The following CERS3 variants were observed in gnomAD, a reference collection of about 807,000 sequenced individuals.
The protein encoded by CERS3 is ceramide synthase 3, also known as LAG1 homolog, ceramide synthase 3.
CERS3 carries 33 observed loss-of-function variants against 50.3 expected under a neutral mutation model. That is an observed-to-expected ratio of 0.66 (90% CI 0.50 to 0.88). CERS3 has a LOEUF of 0.88. Ranked by LOEUF, CERS3 falls within the 40% of genes least tolerant of loss-of-function variation. The pLI is 0.00. For missense variants in CERS3, 470 were observed against 460.3 expected, an observed-to-expected ratio of 1.02 and a Z score of -0.19; for synonymous variants, 176 against 155.2, an observed-to-expected ratio of 1.13 and a Z score of -0.99.
intron 2 of CERS3, among the ~76,000 whole-genome samples, chr15:100,509,315 A>G (rs948308816): frequency 4.6e-5 from 7 of 152,246 alleles, no homozygotes; most frequent in African/African-American, 1.4e-4. Context: ...AAAAAATATG[A>G]CAGTCTAACT....
intron 11 of CERS3, among the ~76,000 whole-genome samples, chr15:100,431,827 C>G (rs566866546): frequency 3.3e-5 from 5 of 152,296 alleles, no homozygotes; most frequent in East Asian, 3.9e-4. Context: ...CCAAGCCACT[C>G]TAGTTAGCTG....
chr15:100,533,034 C>T (rs115116825), upstream of CERS3, among the ~76,000 whole-genome samples: 5,876 of 152,266 alleles, frequency 0.039, 163 homozygotes, highest in South Asian at 0.11. Flanking sequence ...CGCTCCACTC[C>T]GCTTCCACAC....
intron 11 of CERS3, among the ~76,000 whole-genome samples, chr15:100,439,048 A>C (rs2033560459): frequency 6.6e-6 from 1 of 152,230 alleles, no homozygotes; most frequent in Non-Finnish European, 1.5e-5. Context: ...CTAGTAGCTC[A>C]TCACAAAATC....
intron 1 of CERS3, among the ~76,000 whole-genome samples, chr15:100,540,789 T>C (rs933681774): frequency 9.8e-5 from 15 of 152,308 alleles, no homozygotes; most frequent in African/African-American, 2.4e-4. Flanking sequence ...CACTGTTGGG[T>C]TGACAAGAGA....
chr15:100,436,352 C>A (rs1450236324), intron 11 of CERS3, among the ~76,000 whole-genome samples: 1 of 152,142 alleles, frequency 6.6e-6, no homozygotes. Flanking sequence ...AACCATCATT[C>A]TCAGCAAACT....
intron 11 of CERS3, among the ~76,000 whole-genome samples, chr15:100,449,225 G>A (rs2034061832): frequency 6.6e-6 from 1 of 152,216 alleles, no homozygotes; most frequent in Admixed American, 6.5e-5. Flanking sequence ...TATCACCACA[G>A]CTAGTACTCA....
intron 2 of CERS3, among the ~76,000 whole-genome samples, 178 bp from the exon 3 acceptor site, chr15:100,502,028 T>A (rs1017731376): frequency 1.3e-5 from 2 of 151,828 alleles, no homozygotes; most frequent in Admixed American, 6.6e-5. Flanking sequence ...GGGCGGATCA[T>A]GAGGTCAAGA....
At chr15:100,440,313 C>T (rs1189530861) in intron 11 of CERS3, among the ~76,000 whole-genome samples, 1 of 152,236 alleles carries the variant, frequency 6.6e-6, no homozygotes, top group Non-Finnish European at 1.5e-5. Flanking sequence ...TGCACATACA[C>T]ATCCAGATGG....
rs1055917456 is a variant in CERS3, at chr15:100,454,106, G to A, written c.999+1787C>T. On this transcript the variant is annotated intron_variant, in intron 11 of 11. Coordinates refer to ENST00000679737, the MANE Select transcript of CERS3 (RefSeq NM_001378789.1). Reference sequence around the variant, plus strand: ...ATTCAATCTCTACCAAGATAGCAATGTTGGCCAGGCATAGTGCCTCACACC... The same window carrying A: ...ATTCAATCTCTACCAAGATAGCAATATTGGCCAGGCATAGTGCCTCACACC... Among the ~76,000 whole-genome samples the A allele has an allele frequency of 1.9e-4, 29 of 152,162 alleles. 1 individual carries two copies. The highest frequency in any genetic ancestry group is 5.9e-5 in the Non-Finnish European group (4 of 68,030).
chr15:100,440,322 G>A (rs1280968283), intron 11 of CERS3, among the ~76,000 whole-genome samples: 4 of 152,132 alleles, frequency 2.6e-5, no homozygotes, highest in Admixed American at 6.5e-5. Flanking sequence ...ACATCCAGAT[G>A]GCCTGTTCCT....
At chr15:100,495,733 C>CT (rs199915388) in intron 3 of CERS3, among the ~76,000 whole-genome samples, 1,682 of 152,040 alleles carry the variant, frequency 0.011, 53 homozygotes, top group Admixed American at 0.062. Context: ...TGTGGCTTGC[C>CT]TTTTTATTTT....
At chr15:100,415,366 AT>A (rs1426444349) in intron 11 of CERS3, among the ~76,000 whole-genome samples, 1 of 152,168 alleles carries the variant, frequency 6.6e-6, no homozygotes, top group Non-Finnish European at 1.5e-5. Context: ...AAGTTCAACC[AT>A]TGTGGGAAAC....
intron 10 of CERS3, among the ~76,000 whole-genome samples, chr15:100,462,863 T>C (rs1324579622): frequency 6.6e-6 from 1 of 152,216 alleles, no homozygotes; most frequent in African/African-American, 2.4e-5. Context: ...AAAGACATCA[T>C]TGGATTGATT....
intron 2 of CERS3, among the ~76,000 whole-genome samples, chr15:100,504,734 A>C (rs923153160): frequency 6.6e-6 from 1 of 152,148 alleles, no homozygotes; most frequent in East Asian, 1.9e-4. Context: ...TGCAGACTTG[A>C]TCTGGGTACA....
intron 3 of CERS3, among the ~76,000 whole-genome samples, chr15:100,496,696 A>C (rs2035825081): frequency 6.6e-6 from 1 of 152,204 alleles, no homozygotes; most frequent in Non-Finnish European, 1.5e-5. Flanking sequence ...TATTTTTAAA[A>C]TAATGAGATT....
At position 100,400,892 on chromosome 15, in the gene CERS3, TATGCATATA is replaced by T. The variant is rs1160224748; in HGVS notation, c.*1812_*1820del. On this transcript the variant is annotated 3_prime_UTR_variant, in exon 12 of 12. Transcript: ENST00000679737. ...GGCATTTTGATTTATAATATCATATTATGCATATAATGCATATGATATTGTCCTCATAAA... is the reference window on the plus strand; with the variant it reads ...GGCATTTTGATTTATAATATCATATTATGCATATGATATTGTCCTCATAAA... 1 of 152,178 alleles carries T rather than the reference TATGCATATA, an allele frequency of 6.6e-6. No individual in the cohort carries two copies. The highest frequency in any genetic ancestry group is 1.5e-5 in the Non-Finnish European group (1 of 68,022). The allele number at this position is 152,178 out of a possible 1,614,324, so 9.4% of individuals were successfully genotyped here. A position where few individuals can be genotyped will look rare whatever the true frequency, so the allele number is the denominator to read the frequency against.
At chr15:100,487,962 G>T (rs937148813) in intron 4 of CERS3, among the ~76,000 whole-genome samples, 3 of 152,164 alleles carry the variant, frequency 2.0e-5, no homozygotes, top group African/African-American at 7.2e-5. Context: ...TAAGGAAAGG[G>T]CTAGATAATA....
chr15:100,533,944 T>G (rs531185580), upstream of CERS3, among the ~76,000 whole-genome samples: 2 of 152,090 alleles, frequency 1.3e-5, no homozygotes, highest in South Asian at 4.2e-4. Flanking sequence ...AATAGGGAGA[T>G]TTTTCCCTTG....
rs2411834 is a variant in CERS3 at position 100,518,459 on chromosome 15, C to A, written c.-2+3208G>T. 2.0e-5 allele frequency among the ~76,000 whole-genome samples: 3 copies of A among 152,376 alleles called. No individual in the cohort carries two copies. The East Asian group carries it at 5.8e-4, about 29-fold the overall frequency. ...ATGATTAAATCTATGACTGAATTTA[C>A]AGATACTTCACTTGCAAAGATGTCT... On this transcript the variant is annotated intron_variant, in intron 2 of 11. Transcript: ENST00000679737.
Sources: gnomAD v4.1 joint callset for allele counts (sites outside exome capture counted in the v4.1 genomes callset) on GRCh38, gnomAD v4.1.1 for gene constraint, MANE v1.5 for transcripts, NCBI Gene and HGNC (gene_info 2026-07-23, HGNC 2026-07-21) for gene names.